The following HNRNPH1 variants were observed in gnomAD, a reference collection of about 807,000 sequenced individuals.
HNRNPH1 encodes the protein heterogeneous nuclear ribonucleoprotein H.
A neutral mutation model predicts 58.6 loss-of-function variants in HNRNPH1; 4 were observed. That is an observed-to-expected ratio of 0.07 (90% confidence interval 0.03 to 0.16). The LOEUF (loss-of-function observed/expected upper bound fraction) is 0.16. HNRNPH1 is among the 10% of genes least tolerant of loss of function. The pLI is 1.00. For synonymous variants in HNRNPH1, 192 were observed against 189.2 expected (o/e 1.01, Z -0.12); for missense variants, 271 against 564.2 (o/e 0.48, Z 5.26).
At chr5:179,618,704 C>G (rs938524185) in intron 4 of HNRNPH1, 3 of 175,604 alleles carry the variant, frequency 1.7e-5, no homozygotes, top group African/African-American at 7.2e-5. Flanking sequence ...AACAGTCCAG[C>G]CCACACTACA....
chr5:179,626,527 C>T (rs941671008), upstream of HNRNPH1, among the ~76,000 whole-genome samples: 6 of 151,336 alleles, frequency 4.0e-5, no homozygotes, highest in Admixed American at 6.6e-5. Flanking sequence ...ACCAGCCTGA[C>T]CAACATGGTG....
chr5:179,617,779 T>C lies in HNRNPH1; in HGVS notation c.921+20A>G. 1 of 1,613,092 alleles carries C rather than the reference T, an allele frequency of 6.2e-7. No individual in the cohort carries two copies. The highest frequency in any genetic ancestry group is 1.3e-5 in the African/African-American group (1 of 75,036). ...ACTGCCATACTGAAATATTGACTTG[T>C]GAGTTCATCTCACACTTACATTATA... On this transcript the variant is annotated intron_variant, in intron 7 of 12. Coordinates refer to ENST00000356731, the Ensembl canonical transcript of HNRNPH1.
chr5:179,632,465 GGAGACCGTCCTTCCGACGCC>G (rs1263602496), intron 2 of HNRNPH1, among the ~76,000 whole-genome samples: 1 of 152,270 alleles, frequency 6.6e-6, no homozygotes, highest in Non-Finnish European at 1.5e-5. Flanking sequence ...TTGTGTTGAA[GGAGACCGTCCTTCCGACGCC>G]GAGTCCGGCT....
chr5:179,623,312 A>C (rs1274462374), exon 1 of HNRNPH1: 1 of 466,482 alleles, frequency 2.1e-6, no homozygotes, highest in Non-Finnish European at 4.0e-6. Flanking sequence ...TCGTCCGGCG[A>C]CCGGACCCCC....
At chr5:179,620,758 AG>A (rs1323272603) in intron 3 of HNRNPH1, 133 bp downstream of exon 4, 96 of 717,984 alleles carry the variant, frequency 1.3e-4, no homozygotes, top group Non-Finnish European at 2.2e-4. Flanking sequence ...GAAGGTCTCT[AG>A]GAAGAAAACA....
chr5:179,623,827 C>G (rs916372229), exon 1 of HNRNPH1: 1 of 152,402 alleles, frequency 6.6e-6, no homozygotes, highest in Non-Finnish European at 1.5e-5. Flanking sequence ...TTATTACACG[C>G]TTGGGTTTTG....
intron 11 of HNRNPH1, 45 bp from the exon 13 acceptor site, chr5:179,615,640 CA>C (rs1769158245): frequency 1.0e-6 from 1 of 991,140 alleles, no homozygotes; most frequent in Non-Finnish European, 1.6e-6. Flanking sequence ...CCAAAATCAC[CA>C]TTCTTTAGAC....
intron 1 of HNRNPH1, 44 bp from the exon 3 acceptor site, chr5:179,621,441 C>T (rs1297401353): frequency 1.2e-5 from 19 of 1,566,974 alleles, no homozygotes; most frequent in Non-Finnish European, 1.6e-5. Context: ...AAACCTAAAA[C>T]CACCTCTGGG....
At chr5:179,621,203 A>G (rs1275872409) in intron 2 of HNRNPH1, 39 bp downstream of exon 3, 2 of 1,591,552 alleles carry the variant, frequency 1.3e-6, no homozygotes, top group South Asian at 2.2e-5. Context: ...CTATTGTTTA[A>G]TGCTTTATTT....
chr5:179,621,642 C>T, intron 1 of HNRNPH1: 1 of 521,160 alleles, frequency 1.9e-6, no homozygotes. Context: ...ATGAATTTAT[C>T]TCTTTAGTCC....
In HNRNPH1 at chr5:179,624,444, G is replaced by A. The variant is rs374284572; in HGVS notation, c.-1311C>T. On this transcript the variant is annotated 5_prime_UTR_variant, in exon 1 of 13. Coordinates refer to ENST00000356731, the Ensembl canonical transcript of HNRNPH1. ...CCTTGACCCGCCTAACGGTCGGCAG[G>A]CCTTGACTGCCCTGGGGCCCTGGCA... 2.5e-5 allele frequency: 10 copies of A among 398,384 alleles called. No individual in the cohort carries two copies. In the East Asian group the frequency reaches 2.9e-4, roughly 11 times the overall value. The allele number at this position is 398,384 out of a possible 1,614,324, so 24.7% of individuals were successfully genotyped here. A position where few individuals can be genotyped will look rare whatever the true frequency, so the allele number is the denominator to read the frequency against.
chr5:179,627,209 T>A (rs1460333810), upstream of HNRNPH1, among the ~76,000 whole-genome samples: 1 of 152,186 alleles, frequency 6.6e-6, no homozygotes, highest in African/African-American at 2.4e-5. Context: ...TGTGGTGGTA[T>A]TTTTTGTTTG....
intron 12 of HNRNPH1, chr5:179,615,297 T>G (rs570329561): frequency 3.8e-5 from 17 of 453,204 alleles, no homozygotes; most frequent in African/African-American, 3.1e-4. Context: ...TAAAAAAAAT[T>G]TAACATAAAC....
chr5:179,614,689 G>A lies in HNRNPH1; in HGVS notation c.*271C>T, dbSNP rs928542283. 9.0e-6 allele frequency: 5 copies of A among 555,616 alleles called. No homozygotes were observed. The African/African-American group carries it at 9.5e-5, about 11-fold the overall frequency. 34.4% of individuals were successfully genotyped at this position (555,616 alleles called of 1,614,324 possible). ...TGAGTATTGTATTCAAAAATACTGG[G>A]CCTTAAGTCTTCATAACAATCCTGA... On this transcript the variant is annotated 3_prime_UTR_variant, in exon 13 of 13. Transcript: ENST00000356731.
upstream of HNRNPH1, among the ~76,000 whole-genome samples, chr5:179,627,032 C>T (rs968410483): frequency 9.2e-5 from 14 of 152,086 alleles, no homozygotes; most frequent in African/African-American, 2.9e-4. Context: ...CCGCCCACCT[C>T]GGGCTCCCAA....
At chr5:179,626,444 C>T (rs977050928), upstream of HNRNPH1, among the ~76,000 whole-genome samples, 12 of 149,426 alleles carry the variant, frequency 8.0e-5, no homozygotes, top group South Asian at 2.2e-4. Context: ...TCAGCCCACG[C>T]GTGGGGCTCA....
At chr5:179,624,158 G>A in exon 1 of HNRNPH1, 2 of 200,430 alleles carry the variant, frequency 1.0e-5, no homozygotes, top group Non-Finnish European at 2.0e-5. Flanking sequence ...CACTCCCCGC[G>A]CCGCCTGTCT....
chr5:179,633,364 C>T (rs904241491), intron 2 of HNRNPH1, among the ~76,000 whole-genome samples: 7 of 151,326 alleles, frequency 4.6e-5, no homozygotes, highest in Non-Finnish European at 1.0e-4. Flanking sequence ...GGCACAATCT[C>T]GGCTCACTGC....
chr5:179,632,600 G>A (rs1200936150), intron 2 of HNRNPH1, among the ~76,000 whole-genome samples: 1 of 152,196 alleles, frequency 6.6e-6, no homozygotes, highest in Non-Finnish European at 1.5e-5. Context: ...TCTGCCCGAC[G>A]GCCACCTGAG....
Sources: allele counts gnomAD v4.1 joint callset (sites outside exome capture counted in the v4.1 genomes callset), GRCh38; gene constraint gnomAD v4.1.1; transcripts MANE v1.5; gene names NCBI Gene and HGNC (gene_info 2026-07-23, HGNC 2026-07-21).